The following DNAJC7 variants were observed in gnomAD, a reference collection of about 807,000 sequenced individuals.
DNAJC7 encodes dnaJ homolog subfamily C member 7.
DNAJC7 carries 18 observed loss-of-function variants against 67.4 expected under a neutral mutation model. That is an observed-to-expected ratio of 0.27 (90% CI 0.18 to 0.40). DNAJC7 has a LOEUF of 0.40. Among genes scored for constraint, DNAJC7 ranks in the 10% least tolerant of loss-of-function variants. DNAJC7 has a pLI of 1.00. For missense variants in DNAJC7, 419 were observed against 613.8 expected, an observed-to-expected ratio of 0.68 and a Z score of 3.35; for synonymous variants, 220 against 207.8, an observed-to-expected ratio of 1.06 and a Z score of -0.50.
intron 5 of DNAJC7, among the ~76,000 whole-genome samples, chr17:41,993,956 T>C (rs1213017125): frequency 2.7e-4 from 41 of 150,304 alleles, no homozygotes; most frequent in African/African-American, 9.8e-4. Context: ...GGCAGGACAA[T>C]TGTTTGAACC....
Position 41,982,301 on chromosome 17 carries a change from G to C in DNAJC7, c.1185C>G (p.Asp395Glu). 1 of 1,613,972 alleles carries C rather than the reference G, an allele frequency of 6.2e-7. No homozygotes were observed. Among genetic ancestry groups the C allele is most frequent in the Non-Finnish European group, 8.5e-7 (1 of 1,179,894 alleles). ...GTTTCCGATAAGCTTTCTTGATCTC[G>C]TCCTCAGAGGCATTCTTGTCCACTC... ...ILGVDKNASE[D>E]EIKKAYRKRA... Residue 395 changes from aspartate (D) to glutamate (E), a missense_variant, in exon 11 of 14, where the codon GAC becomes GAG. This residue lies in a region of DNAJC7 where 161 missense variants were observed against 252.2 expected (regional missense o/e 0.64). Coordinates refer to ENST00000457167, the MANE Select transcript of DNAJC7 (RefSeq NM_003315.4).
intron 1 of DNAJC7, among the ~76,000 whole-genome samples, chr17:42,008,949 A>T (rs1485755718): frequency 6.6e-6 from 1 of 152,058 alleles, no homozygotes; most frequent in Non-Finnish European, 1.5e-5. Context: ...ACCTCAAGTG[A>T]TCCGCCAATC....
intron 3 of DNAJC7, 43 bp downstream of exon 3, chr17:41,997,072 G>A (rs782344936): frequency 6.2e-7 from 1 of 1,612,360 alleles, no homozygotes; most frequent in Admixed American, 1.7e-5. Flanking sequence ...AAACTCAACT[G>A]TAGCAACCCA....
chr17:41,987,042 C>A (rs1217963645), intron 9 of DNAJC7, among the ~76,000 whole-genome samples: 1 of 152,054 alleles, frequency 6.6e-6, no homozygotes, highest in Non-Finnish European at 1.5e-5. Context: ...TTTTTCTCCG[C>A]CTAGAGAATA....
intron 1 of DNAJC7, 166 bp downstream of exon 1, chr17:42,017,174 A>G: frequency 6.5e-7 from 1 of 1,532,426 alleles, no homozygotes; most frequent in South Asian, 1.2e-5. Context: ...CCGACCCCCA[A>G]GAGCGCCCCT....
intron 1 of DNAJC7, among the ~76,000 whole-genome samples, chr17:42,008,405 TATAG>T (rs1459099813): frequency 1.3e-5 from 1 of 77,974 alleles, no homozygotes; most frequent in African/African-American, 5.5e-5. Flanking sequence ...GATATATATA[TATAG>T]ATATAGATTT....
Position 41,976,562 on chromosome 17 carries a change from A to C in DNAJC7, c.*171T>G. ...CCCTCCCCTGCCCTCGGTCTTCGGC[A>C]TTGGTTCCCTTTGCTCCACCCCACT... On this transcript the variant is annotated 3_prime_UTR_variant, in exon 14 of 14. Transcript: ENST00000457167. The C allele has an allele frequency of 8.3e-6, 6 of 726,478 alleles. No individual in the cohort carries two copies. The highest frequency in any genetic ancestry group is 3.5e-5 in the East Asian group (1 of 28,212). 45.0% of individuals were successfully genotyped at this position (726,478 alleles called of 1,614,324 possible).
intron 9 of DNAJC7, among the ~76,000 whole-genome samples, chr17:41,986,269 A>G (rs1427717358): frequency 1.3e-5 from 2 of 151,936 alleles, no homozygotes; most frequent in South Asian, 2.1e-4. Context: ...CGGAGGCTGA[A>G]GCAGGAAATT....
chr17:41,985,819 G>C (rs1555646675), intron 9 of DNAJC7: 1 of 152,106 alleles, frequency 6.6e-6, no homozygotes, highest in Admixed American at 6.6e-5. Flanking sequence ...GGAGATTGTT[G>C]CCAAATATTC....
chr17:41,997,627 T>TA (rs1348976792), intron 2 of DNAJC7, among the ~76,000 whole-genome samples: 3 of 151,908 alleles, frequency 2.0e-5, no homozygotes, highest in Non-Finnish European at 2.9e-5. Flanking sequence ...AACAAAAACT[T>TA]AGAGGGCATC....
intron 3 of DNAJC7, among the ~76,000 whole-genome samples, chr17:41,996,778 A>G (rs2051670895): frequency 6.6e-6 from 1 of 152,082 alleles, no homozygotes; most frequent in Non-Finnish European, 1.5e-5. Flanking sequence ...GCTAGACTCC[A>G]TCTCAAAAAC....
intron 1 of DNAJC7, among the ~76,000 whole-genome samples, chr17:42,012,265 A>G (rs2052139999): frequency 6.6e-6 from 1 of 152,252 alleles, no homozygotes; most frequent in Admixed American, 6.5e-5. Flanking sequence ...CGGGCGGATC[A>G]TGAGGTTAAG....
chr17:41,983,652 A>G lies in DNAJC7; in HGVS notation c.1011-16T>C. 6.3e-7 allele frequency: 1 copy of G among 1,593,408 alleles called. No individual in the cohort carries two copies. Among genetic ancestry groups the G allele is most frequent in the Non-Finnish European group, 8.6e-7 (1 of 1,168,454 alleles). On this transcript the variant is annotated splice_polypyrimidine_tract_variant and intron_variant, in intron 9 of 13. Transcript: ENST00000457167. ...GTCCATGTAACTGAGAAGGAAATAC[A>G]AGGCAATACAGCACTAAGACATAAA...
intron 4 of DNAJC7, 128 bp from the exon 5 acceptor site, chr17:41,995,072 T>C (rs1429905409): frequency 9.9e-6 from 8 of 805,700 alleles, no homozygotes; most frequent in Non-Finnish European, 1.5e-5. Context: ...TTGATAGAGA[T>C]AGGGTCGAAT....
chr17:41,981,294 G>A (rs746127330), intron 12 of DNAJC7, among the ~76,000 whole-genome samples: 1 of 151,914 alleles, frequency 6.6e-6, no homozygotes. Context: ...CCTCCTGGGT[G>A]CAAGCGATTC....
intron 2 of DNAJC7, among the ~76,000 whole-genome samples, chr17:41,998,917 G>A (rs1430469987): frequency 5.3e-5 from 8 of 152,096 alleles, no homozygotes; most frequent in Non-Finnish European, 1.0e-4. Flanking sequence ...TGGGGATGGT[G>A]GCACATCCCT....
In DNAJC7 at chr17:41,988,852, T is replaced by A. The variant is rs1001048648; in HGVS notation, c.798A>T (p.Ala266=). 1.9e-6 allele frequency: 3 copies of A among 1,613,734 alleles called. No individual in the cohort carries two copies. In the African/African-American group the frequency reaches 4.0e-5, roughly 22 times the overall value. ...CTAGTTTGTAATTTCCTTCCTTAAA[T>A]GCTTTATTCCCATCTTCTTTCTTTG... ...LKAKKEDGNK[A]FKEGNYKLAY... Residue 266 remains alanine, a synonymous_variant, in exon 8 of 14, where the codon GCA becomes GCT. Transcript: ENST00000457167.
At chr17:41,979,194 C>CTAGG (rs1555645486) in intron 12 of DNAJC7, among the ~76,000 whole-genome samples, 2 of 151,346 alleles carry the variant, frequency 1.3e-5, no homozygotes, top group South Asian at 2.1e-4. Context: ...TAAAAATTAG[C>CTAGG]CGGGTGTGGC....
rs1310857399 is a variant in DNAJC7 at position 41,993,457 on chromosome 17, TCAAAACAAAA to T, written c.480+1403_480+1412del. On this transcript the variant is annotated intron_variant, in intron 5 of 13. Transcript: ENST00000457167. ...CTGGGCAACAGACCAAGACTCTGCC[TCAAAACAAAA>T]CAAAACAAAACAAAAACAAAACAAA... 3.3e-5 allele frequency among the ~76,000 whole-genome samples: 5 copies of T among 151,828 alleles called. No homozygotes were observed. The South Asian group carries it at 6.2e-4, about 19-fold the overall frequency.
Sources: allele counts gnomAD v4.1 joint callset (sites outside exome capture counted in the v4.1 genomes callset), GRCh38; gene constraint gnomAD v4.1.1; regional missense constraint gnomAD v4.1.1; transcripts MANE v1.5; gene names NCBI Gene and HGNC (gene_info 2026-07-23, HGNC 2026-07-21).